The following NAV3 variants were observed in gnomAD, a reference collection of about 807,000 sequenced individuals.
NAV3 encodes the protein neuron navigator 3.
NAV3 carries 87 observed loss-of-function variants against 244.7 expected under a neutral mutation model. The ratio of observed to expected loss-of-function variants is 0.36; its 90% CI spans 0.30 to 0.42. The LOEUF is 0.42. NAV3 is among the 20% of genes least tolerant of loss of function. The probability of loss-of-function intolerance (pLI) is 1.00; values close to 1 mark genes in which losing one functional copy is unlikely to be tolerated. For missense variants in NAV3, 2,663 were observed against 2,893.3 expected (o/e 0.92, Z 1.83); for synonymous variants, 1,126 against 1,042.2 (o/e 1.08, Z -1.55).
chr12:77,692,376 T>C (rs1565774490), intron 2 of NAV3, among the ~76,000 whole-genome samples: 1 of 152,086 alleles, frequency 6.6e-6, no homozygotes, highest in African/African-American at 2.4e-5. Context: ...AAAGGCACTG[T>C]TCTACCATTT....
intron 3 of NAV3, among the ~76,000 whole-genome samples, chr12:77,961,627 A>T (rs1390506275): frequency 1.4e-5 from 2 of 139,356 alleles, no homozygotes; most frequent in South Asian, 2.5e-4. Flanking sequence ...CTATATATGT[A>T]ATATATATTA....
rs186562143 is a variant in NAV3, at chr12:77,686,715, A to C, written c.72+114449A>C. ...GAAGTAACTTATTCAGATCATAAGCATATGGTGAGTGAAGCCACGAGTTTA... is the reference window on the plus strand; with the variant it reads ...GAAGTAACTTATTCAGATCATAAGCCTATGGTGAGTGAAGCCACGAGTTTA... On this transcript the variant is annotated intron_variant, in intron 2 of 8. Coordinates refer to the NAV3 transcript ENST00000550042. Among the ~76,000 whole-genome samples, 153 of 152,212 alleles carry C rather than the reference A, an allele frequency of 1.0e-3. 1 individual carries two copies. The highest frequency in any genetic ancestry group is 9.0e-3 in the Admixed American group (137 of 15,278).
chr12:78,011,982 G>A (rs1039885966), intron 8 of NAV3, among the ~76,000 whole-genome samples: 2 of 152,042 alleles, frequency 1.3e-5, no homozygotes, highest in East Asian at 3.9e-4. Context: ...AACAGCATGG[G>A]GGAAACTGCT....
At chr12:78,176,287 A>G (rs1003273383) in intron 25 of NAV3, 152 bp from the exon 26 acceptor site, 1 of 635,276 alleles carries the variant, frequency 1.6e-6, no homozygotes, top group African/African-American at 1.9e-5. Flanking sequence ...TCCAGACATA[A>G]TTATCAGAGG....
At chr12:77,590,280 T>C (rs542873688) in intron 2 of NAV3, among the ~76,000 whole-genome samples, 1 of 152,314 alleles carries the variant, frequency 6.6e-6, no homozygotes, top group Admixed American at 6.5e-5. Context: ...ACTAAGCTCC[T>C]GGCCTGCCTT....
intron 2 of NAV3, among the ~76,000 whole-genome samples, chr12:77,810,290 G>A (rs1476819505): frequency 6.6e-6 from 1 of 152,130 alleles, no homozygotes; most frequent in Non-Finnish European, 1.5e-5. Context: ...TCCTGCCTCA[G>A]CCTCCCGAGT....
At chr12:77,797,726 A>G (rs1871495176) in intron 2 of NAV3, among the ~76,000 whole-genome samples, 1 of 151,708 alleles carries the variant, frequency 6.6e-6, no homozygotes, top group South Asian at 2.1e-4. Flanking sequence ...CTGTAATCCC[A>G]GCCACTCAAG....
At chr12:77,879,411 T>C (rs543631246) in intron 1 of NAV3, among the ~76,000 whole-genome samples, 1 of 152,262 alleles carries the variant, frequency 6.6e-6, no homozygotes, top group East Asian at 1.9e-4. Flanking sequence ...CTCACACCTG[T>C]ATTCCTAAGA....
intron 2 of NAV3, among the ~76,000 whole-genome samples, chr12:77,725,343 T>G (rs140804435): frequency 1.4e-4 from 21 of 152,146 alleles, no homozygotes; most frequent in African/African-American, 5.1e-4. Context: ...AAAGTTCTTT[T>G]GTAATATTCA....
chr12:78,092,886 A>C (rs957251479), intron 12 of NAV3, among the ~76,000 whole-genome samples: 1 of 151,512 alleles, frequency 6.6e-6, no homozygotes, highest in Non-Finnish European at 1.5e-5. Flanking sequence ...GGAAATATAG[A>C]CTTTGTTTCT....
chr12:77,877,164 A>T (rs1271203318), intron 1 of NAV3, among the ~76,000 whole-genome samples: 1 of 152,142 alleles, frequency 6.6e-6, no homozygotes, highest in South Asian at 2.1e-4. Context: ...ATTAGGCTGT[A>T]AAAAGTTCAA....
chr12:77,637,116 G>A (rs1180836003), intron 2 of NAV3, among the ~76,000 whole-genome samples: 1 of 151,870 alleles, frequency 6.6e-6, no homozygotes, highest in Non-Finnish European at 1.5e-5. Context: ...TTCTACACAT[G>A]TATCCCAGAA....
intron 2 of NAV3, among the ~76,000 whole-genome samples, chr12:77,584,814 G>A (rs1006026170): frequency 6.6e-6 from 1 of 152,110 alleles, no homozygotes; most frequent in African/African-American, 2.4e-5. Context: ...AAAATTAAAG[G>A]CTAAAGTTAT....
intron 5 of NAV3, among the ~76,000 whole-genome samples, chr12:77,970,722 G>A (rs1169710716): frequency 6.6e-6 from 1 of 152,048 alleles, no homozygotes; most frequent in Non-Finnish European, 1.5e-5. Flanking sequence ...TTTCTTGGAT[G>A]TTTGTAAGCA....
At chr12:78,054,607 T>G (rs1427559828) in intron 11 of NAV3, among the ~76,000 whole-genome samples, 2 of 152,070 alleles carry the variant, frequency 1.3e-5, no homozygotes, top group Admixed American at 6.6e-5. Context: ...CTCATAAGAT[T>G]AGAAATATGG....
At chr12:77,884,309 G>T (rs754545027) in intron 1 of NAV3, among the ~76,000 whole-genome samples, 1 of 152,050 alleles carries the variant, frequency 6.6e-6, no homozygotes, top group African/African-American at 2.4e-5. Context: ...ATAGAAAAGA[G>T]GGGATATATC....
intron 8 of NAV3, among the ~76,000 whole-genome samples, chr12:78,017,595 A>G (rs1324378019): frequency 6.6e-5 from 10 of 152,164 alleles, no homozygotes; most frequent in African/African-American, 2.4e-4. Context: ...ATTATGATAC[A>G]TATTTTTTCT....
chr12:78,006,803 A>C lies in NAV3; in HGVS notation c.1265A>C (p.Glu422Ala). 2 of 1,614,166 alleles carry C rather than the reference A, an allele frequency of 1.2e-6. No individual in the cohort carries two copies. The highest frequency in any genetic ancestry group is 1.7e-6 in the Non-Finnish European group (2 of 1,180,044). Residue 422 changes from glutamate to alanine, a missense_variant, in exon 8 of 40, where the codon GAA becomes GCA. Transcript: ENST00000397909. ...KDDDAFSESG[E>A]MEGFNSGLNS... ...GATGATGCCTTTTCTGAATCTGGTG[A>C]AATGGAAGGTTTTAACAGTGGTCTG...
intron 2 of NAV3, among the ~76,000 whole-genome samples, chr12:77,699,680 G>A (rs1875473309): frequency 6.6e-6 from 1 of 151,996 alleles, no homozygotes; most frequent in African/African-American, 2.4e-5. Flanking sequence ...GCTTCTATAT[G>A]TGACCTGGGC....
Sources: allele counts gnomAD v4.1 joint callset (sites outside exome capture counted in the v4.1 genomes callset), GRCh38; gene constraint gnomAD v4.1.1; transcripts MANE v1.5; gene names NCBI Gene and HGNC (gene_info 2026-07-23, HGNC 2026-07-21).